Variants in GABRB1 observed in about 807,000 individuals in gnomAD.
The protein encoded by GABRB1 is gamma-aminobutyric acid type A receptor subunit beta1.
GABRB1 carries 17 observed loss-of-function variants against 51.6 expected under a neutral mutation model. That is an observed-to-expected ratio of 0.33 (90% CI 0.23 to 0.49). The LOEUF (loss-of-function observed/expected upper bound fraction) is 0.49, where lower values mean the gene tolerates loss of function less well. Among genes scored for constraint, GABRB1 ranks in the 20% least tolerant of loss-of-function variants. The pLI, the probability that GABRB1 is intolerant of heterozygous loss-of-function variation, is 0.99. For synonymous variants in GABRB1, 247 were observed against 218.9 expected, an observed-to-expected ratio of 1.13 and a Z score of -1.14; for missense variants, 410 against 600.6, an observed-to-expected ratio of 0.68 and a Z score of 3.32.
At chr4:47,117,369 C>A (rs753972877) in intron 3 of GABRB1, among the ~76,000 whole-genome samples, 1 of 152,186 alleles carries the variant, frequency 6.6e-6, no homozygotes, top group Non-Finnish European at 1.5e-5. Context: ...TCTCTCTAAT[C>A]TGGATGCCTT....
rs748500500 is a variant in GABRB1 at position 47,364,753 on chromosome 4, GC to G, written c.545-38564del. Reference sequence around the variant, plus strand: ...AAAGTTAAAGGAATGAAAGATAAAAGCTAAAACAAGAAAATTCAAGTTAAAA... The same window carrying G: ...AAAGTTAAAGGAATGAAAGATAAAAGTAAAACAAGAAAATTCAAGTTAAAA... On this transcript the variant is annotated intron_variant, in intron 5 of 8. Coordinates refer to ENST00000295454, the MANE Select transcript of GABRB1 (RefSeq NM_000812.4). 4.0e-5 allele frequency among the ~76,000 whole-genome samples: 6 copies of G among 151,738 alleles called. No homozygotes were observed. The South Asian group carries it at 6.2e-4, about 16-fold the overall frequency.
intron 5 of GABRB1, among the ~76,000 whole-genome samples, chr4:47,351,646 G>T (rs1700121392): frequency 6.8e-6 from 1 of 146,388 alleles, no homozygotes; most frequent in South Asian, 2.2e-4. Flanking sequence ...ATCTATGAGT[G>T]AGAACATGTG....
At chr4:47,199,832 G>A (rs1251145751) in intron 4 of GABRB1, among the ~76,000 whole-genome samples, 2 of 152,164 alleles carry the variant, frequency 1.3e-5, no homozygotes, top group Admixed American at 6.6e-5. Flanking sequence ...CCAGAAGACA[G>A]GGACGGTGCT....
intron 3 of GABRB1, among the ~76,000 whole-genome samples, chr4:47,105,987 C>G (rs1714952212): frequency 6.6e-6 from 1 of 152,120 alleles, no homozygotes; most frequent in South Asian, 2.1e-4. Flanking sequence ...GTATTCACAT[C>G]TGCCTCTCAT....
At chr4:47,003,156 A>G (rs182624334) in intron 1 of GABRB1, among the ~76,000 whole-genome samples, 6 of 152,334 alleles carry the variant, frequency 3.9e-5, no homozygotes, top group Admixed American at 2.6e-4. Flanking sequence ...TCAGTCCTCC[A>G]TGTATCTTCA....
At chr4:47,101,300 A>G (rs964499592) in intron 3 of GABRB1, among the ~76,000 whole-genome samples, 4 of 152,084 alleles carry the variant, frequency 2.6e-5, no homozygotes, top group African/African-American at 9.7e-5. Flanking sequence ...GTTGGTATGC[A>G]AGAATTGAAT....
At chr4:47,290,761 T>C (rs1050839315) in intron 4 of GABRB1, among the ~76,000 whole-genome samples, 3 of 152,058 alleles carry the variant, frequency 2.0e-5, no homozygotes, top group Non-Finnish European at 4.4e-5. Flanking sequence ...GCCCTAGAGA[T>C]CGGTGGAACT....
At position 47,202,050 on chromosome 4, in the gene GABRB1, T is replaced by C. The variant is rs932349632; in HGVS notation, c.461+40581T>C. ...CTAACTTAAAACTAGGTTGTTGATG[T>C]GGTTAGGCCTTGTGTCCCCACCCAA... On this transcript the variant is annotated intron_variant, in intron 4 of 8. Transcript: ENST00000295454. Among the ~76,000 whole-genome samples the C allele has an allele frequency of 8.5e-5, 13 of 152,308 alleles. No homozygotes were observed. In the East Asian group the frequency reaches 1.7e-3, roughly 20 times the overall value.
At chr4:47,110,977 T>G (rs186735749) in intron 3 of GABRB1, among the ~76,000 whole-genome samples, 2 of 152,154 alleles carry the variant, frequency 1.3e-5, no homozygotes, top group South Asian at 2.1e-4. Flanking sequence ...AAATAAGGTT[T>G]ACAAAAAAGG....
At position 47,167,357 on chromosome 4, in the gene GABRB1, C is replaced by T. The variant is rs116258023; in HGVS notation, c.461+5888C>T. Among the ~76,000 whole-genome samples the T allele has an allele frequency of 5.0e-3, 758 of 151,988 alleles. 2 individuals carry two copies. Among genetic ancestry groups the T allele is most frequent in the South Asian group, 8.9e-3 (43 of 4,816 alleles). On this transcript the variant is annotated intron_variant, in intron 4 of 8. Coordinates refer to ENST00000295454, the MANE Select transcript of GABRB1 (RefSeq NM_000812.4). ...TATCTTTCCCTGAAAATGGCAGGCA[C>T]GGAGGAATTTAATTCTGAGAAGACA...
intron 3 of GABRB1, among the ~76,000 whole-genome samples, chr4:47,053,972 C>A (rs1382537313): frequency 6.6e-6 from 1 of 152,066 alleles, no homozygotes; most frequent in East Asian, 1.9e-4. Flanking sequence ...TCTTTAAATA[C>A]CAGGATCACA....
At chr4:47,084,756 G>T (rs1727994952) in intron 3 of GABRB1, among the ~76,000 whole-genome samples, 2 of 152,232 alleles carry the variant, frequency 1.3e-5, no homozygotes, top group South Asian at 4.2e-4. Context: ...AAACAGGGTA[G>T]CCCAGGTACC....
intron 4 of GABRB1, among the ~76,000 whole-genome samples, chr4:47,163,565 G>A (rs1718051466): frequency 6.6e-6 from 1 of 151,952 alleles, no homozygotes; most frequent in South Asian, 2.1e-4. Context: ...TGTGGCAAGT[G>A]TTGAAAAACT....
At chr4:47,042,084 G>A (rs1725869878) in intron 3 of GABRB1, among the ~76,000 whole-genome samples, 1 of 151,734 alleles carries the variant, frequency 6.6e-6, no homozygotes, top group Non-Finnish European at 1.5e-5. Context: ...TAAGCTTTAG[G>A]AAGCTTAGAA....
chr4:47,227,145 G>A (rs1720971433), intron 4 of GABRB1, among the ~76,000 whole-genome samples: 3 of 152,160 alleles, frequency 2.0e-5, no homozygotes, highest in Admixed American at 6.6e-5. Flanking sequence ...GTAATTTCTC[G>A]ATCCAGTTAA....
intron 3 of GABRB1, among the ~76,000 whole-genome samples, chr4:47,049,304 G>A (rs1364614199): frequency 6.6e-6 from 1 of 152,092 alleles, no homozygotes; most frequent in Admixed American, 6.5e-5. Context: ...AGACAGAACT[G>A]CTCTCCATTC....
chr4:47,067,748 T>C (rs116473672), intron 3 of GABRB1, among the ~76,000 whole-genome samples: 4 of 152,116 alleles, frequency 2.6e-5, no homozygotes, highest in Non-Finnish European at 4.4e-5. Flanking sequence ...AACTTTTATT[T>C]AAGTTCTGGG....
chr4:47,326,546 G>A (rs1274089264), intron 5 of GABRB1, among the ~76,000 whole-genome samples: 2 of 152,088 alleles, frequency 1.3e-5, no homozygotes, highest in East Asian at 1.9e-4. Context: ...CATAGTATAT[G>A]TAGGGTTTGG....
At chr4:47,182,975 T>G (rs1160207548) in intron 4 of GABRB1, among the ~76,000 whole-genome samples, 2 of 151,908 alleles carry the variant, frequency 1.3e-5, no homozygotes, top group Non-Finnish European at 2.9e-5. Context: ...TCAGGCTCTT[T>G]CTTCAGCTAT....
Sources: gnomAD v4.1 joint callset for allele counts (sites outside exome capture counted in the v4.1 genomes callset) on GRCh38, gnomAD v4.1.1 for gene constraint, MANE v1.5 for transcripts, NCBI Gene and HGNC (gene_info 2026-07-23, HGNC 2026-07-21) for gene names.